The following WNK2 variants were observed in gnomAD, a reference collection of about 807,000 sequenced individuals.
WNK2 encodes WNK lysine deficient protein kinase 2.
Under a neutral mutation model 192.1 loss-of-function variants are expected in WNK2, and 67 were observed. The ratio of observed to expected loss-of-function variants is 0.35; its 90% CI spans 0.29 to 0.43. The LOEUF is 0.43. Ranked by LOEUF, WNK2 falls within the 20% of genes least tolerant of loss-of-function variation. WNK2 has a pLI of 1.00. For missense variants in WNK2, 2,698 were observed against 3,089.7 expected, an observed-to-expected ratio of 0.87 and a Z score of 3.01; for synonymous variants, 1,439 against 1,393.9, an observed-to-expected ratio of 1.03 and a Z score of -0.72.
chr9:93,292,793 C>A lies in WNK2; in HGVS notation c.5328C>A (p.Asp1776Glu). 6.5e-7 allele frequency: 1 copy of A among 1,549,392 alleles called. No homozygotes were observed. The highest frequency in any genetic ancestry group is 1.4e-5 in the African/African-American group (1 of 72,886). ...RYSAPPDVYLDEAPSSPDVKL... is the reference protein window; with the variant it reads ...RYSAPPDVYLEEAPSSPDVKL... ...CTGCCCCACCCGACGTCTACCTGGACGAGGCCCCCTCCAGCCCCGACGTGA... is the reference window on the plus strand; with the variant it reads ...CTGCCCCACCCGACGTCTACCTGGAAGAGGCCCCCTCCAGCCCCGACGTGA... Residue 1776 changes from aspartate (D) to glutamate (E), a missense_variant, in exon 23 of 30, where the codon GAC becomes GAA. Physicochemically the swap from Asp to Glu is conservative, Grantham distance 45 (BLOSUM62 2). Coordinates refer to ENST00000427277, the MANE Select transcript of WNK2 (RefSeq NM_006648.4).
At chr9:93,216,498 T>A (rs2131666685) in intron 2 of WNK2, among the ~76,000 whole-genome samples, 1 of 151,936 alleles carries the variant, frequency 6.6e-6, no homozygotes, top group East Asian at 1.9e-4. Context: ...ATACTAAAAT[T>A]AGCTGGGTGT....
rs376610799 is a variant in WNK2 at position 93,253,108 on chromosome 9, C to G, written c.2034+26C>G. ...GTGAGTCAGAGCATCACTCCCACCC[C>G]CTTCCCCATCCCCATTACCTGGTCT... On this transcript the variant is annotated intron_variant, in intron 9 of 29. Coordinates refer to ENST00000427277, the MANE Select transcript of WNK2 (RefSeq NM_006648.4). The G allele has an allele frequency of 1.4e-4, 193 of 1,375,904 alleles. No homozygotes were observed. In the African/African-American group the frequency reaches 2.5e-3, roughly 18 times the overall value. 85.2% of individuals were successfully genotyped at this position (1,375,904 alleles called of 1,614,324 possible).
rs1588602855 is a variant in WNK2 at position 93,306,597 on chromosome 9, T to C, written c.6215-180T>C. 9.7e-6 allele frequency: 7 copies of C among 723,800 alleles called. No individual in the cohort carries two copies. The East Asian group carries it at 1.3e-4, about 13-fold the overall frequency. 44.8% of individuals were successfully genotyped at this position (723,800 alleles called of 1,614,324 possible). On this transcript the variant is annotated intron_variant, in intron 26 of 29. Transcript: ENST00000427277. ...CCCCTCGGCGAAGCTCGTGGGAGCC[T>C]GCACCCTCTCTCCAGGGGCTGCCCC...
chr9:93,269,836 A>T (rs1404055638), intron 19 of WNK2, among the ~76,000 whole-genome samples: 1 of 152,122 alleles, frequency 6.6e-6, no homozygotes. Flanking sequence ...TCTTTTTTCT[A>T]TTTAAAAAAA....
Position 93,259,012 on chromosome 9 carries a change from A to T in WNK2, c.2464A>T (p.Thr822Ser). 2.5e-6 allele frequency: 4 copies of T among 1,612,464 alleles called. No individual in the cohort carries two copies. The highest frequency in any genetic ancestry group is 3.4e-6 in the Non-Finnish European group (4 of 1,179,616). Residue 822 changes from threonine to serine, a missense_variant, in exon 12 of 30, where the codon ACC becomes TCC. Thr to Ser is a moderately conservative substitution (Grantham distance 58, BLOSUM62 1). This residue lies in a region of WNK2 where 893 missense variants were observed against 909.0 expected (regional missense o/e 0.98). Coordinates refer to ENST00000427277, the MANE Select transcript of WNK2 (RefSeq NM_006648.4). The surrounding 1 kb of genome is among the most constrained non-coding windows in gnomAD (Gnocchi z 4.8). ...CCCTCCGGCCCTCCCAGACCTGCCG[A>T]CCGCGACTGTGCCTCCCGTGCCACC... The part of the protein sequence containing the change: ...GLPPALPDLP[T>S]ATVPPVPPPQ...
intron 12 of WNK2, among the ~76,000 whole-genome samples, chr9:93,261,560 C>T (rs1325135674): frequency 2.0e-5 from 3 of 152,218 alleles, no homozygotes; most frequent in East Asian, 1.9e-4. Flanking sequence ...GGTTCATAGA[C>T]GGAGCCCCGT....
chr9:93,318,532 C>G (rs1855127130), intron 29 of WNK2: 1 of 1,613,972 alleles, frequency 6.2e-7, no homozygotes, highest in African/African-American at 1.3e-5. Context: ...CAGACATGCC[C>G]CCCATGCCAG....
intron 28 of WNK2, among the ~76,000 whole-genome samples, chr9:93,314,453 A>C (rs1854249622): frequency 6.6e-6 from 1 of 152,184 alleles, no homozygotes; most frequent in Admixed American, 6.5e-5. Context: ...TCTGAAAAAA[A>C]AAAAACAGCT....
chr9:93,265,242 A>G lies in WNK2; in HGVS notation c.3696+1209A>G, dbSNP rs543422746. On this transcript the variant is annotated intron_variant, in intron 16 of 29. Coordinates refer to ENST00000427277, the MANE Select transcript of WNK2 (RefSeq NM_006648.4). ...GCAGCAGAGACCACAGGGGATTGGT[A>G]GCAGAGGAGCAGTGTGGTGATGGGT... Among the ~76,000 whole-genome samples the G allele has an allele frequency of 3.9e-5, 6 of 152,366 alleles. No homozygotes were observed. The East Asian group carries it at 1.2e-3, about 29-fold the overall frequency.
At chr9:93,203,504 G>A (rs1233656327) in intron 2 of WNK2, among the ~76,000 whole-genome samples, 1 of 152,238 alleles carries the variant, frequency 6.6e-6, no homozygotes, top group African/African-American at 2.4e-5. Context: ...GCCTGTGGGA[G>A]TGGCTGCGGG....
Position 93,229,991 on chromosome 9 carries a change from C to A in WNK2, c.854+123C>A. 1 of 1,209,512 alleles carries A rather than the reference C, an allele frequency of 8.3e-7. No homozygotes were observed. Among genetic ancestry groups the A allele is most frequent in the Non-Finnish European group, 1.1e-6 (1 of 880,168 alleles). 74.9% of individuals were successfully genotyped at this position (1,209,512 alleles called of 1,614,324 possible). ...TGGTGCCTGTGGGAGGCTGTCTCCT[C>A]TTTCCTCTCCTGCATGGGATGCCAG... is the stretch of plus-strand genomic sequence containing the variant. On this transcript the variant is annotated intron_variant, in intron 3 of 29. Transcript: ENST00000427277. This position sits in a 1 kb window ranked among gnomAD's most constrained non-coding sequence, Gnocchi z 4.9.
chr9:93,218,832 A>G (rs1224038339), intron 2 of WNK2, among the ~76,000 whole-genome samples: 2 of 151,980 alleles, frequency 1.3e-5, no homozygotes, highest in Non-Finnish European at 2.9e-5. Context: ...AGTTGGCTGC[A>G]CCCCTCTGCC....
chr9:93,222,314 G>A (rs1026461939), intron 2 of WNK2, among the ~76,000 whole-genome samples: 3 of 152,252 alleles, frequency 2.0e-5, no homozygotes, highest in South Asian at 2.1e-4. Flanking sequence ...GACACCAGGC[G>A]TGTGCCACCA....
At chr9:93,221,831 G>A (rs190011090) in intron 2 of WNK2, among the ~76,000 whole-genome samples, 5 of 152,262 alleles carry the variant, frequency 3.3e-5, no homozygotes, top group South Asian at 2.1e-4. Context: ...TGGAGGTTGC[G>A]TCCTGGTTGG....
chr9:93,200,836 A>G (rs994223762), intron 2 of WNK2, among the ~76,000 whole-genome samples: 1 of 152,204 alleles, frequency 6.6e-6, no homozygotes, highest in African/African-American at 2.4e-5. Context: ...GGCTAGGCGC[A>G]TTTATGAGAA....
At position 93,247,830 on chromosome 9, in the gene WNK2, G is replaced by A. The variant is rs1398865236; in HGVS notation, c.1830G>A (p.Leu610=). 7 of 1,537,466 alleles carry A rather than the reference G, an allele frequency of 4.6e-6. No individual in the cohort carries two copies. The highest frequency in any genetic ancestry group is 3.9e-5 in the Admixed American group (2 of 51,084). ...PPTLPTSATS[L]ASDSTFDSGQ... ...CGTTGCCGACCAGCGCCACCTCCCT[G>A]GCCTGTGAGTGCTCAGGGGTGGGAT... The change falls in exon 8 of 30, where the codon CTG becomes CTA. Residue 610 remains leucine, a synonymous_variant. Coordinates refer to ENST00000427277, the MANE Select transcript of WNK2 (RefSeq NM_006648.4). This position sits in a 1 kb window ranked among gnomAD's most constrained non-coding sequence, Gnocchi z 5.2.
chr9:93,262,727 G>T lies in WNK2; in HGVS notation c.3410+8G>T. The T allele has an allele frequency of 6.2e-7, 1 of 1,611,912 alleles. No homozygotes were observed. On this transcript the variant is annotated splice_region_variant and intron_variant, in intron 14 of 29. Transcript: ENST00000427277. ...CCCGCAGAGCTGTGAGAGGTAGTGT[G>T]GCCCAGCCTCGACCTCGCAGGACGG...
chr9:93,262,974 A>G (rs1403249354), intron 14 of WNK2, among the ~76,000 whole-genome samples: 1 of 152,192 alleles, frequency 6.6e-6, no homozygotes, highest in African/African-American at 2.4e-5. Flanking sequence ...AGTGCTGAGA[A>G]TGTTCCAGAA....
At chr9:93,227,931 G>A (rs1436205219) in intron 2 of WNK2, among the ~76,000 whole-genome samples, 2 of 152,220 alleles carry the variant, frequency 1.3e-5, no homozygotes, top group Admixed American at 6.5e-5. Context: ...GGTTAGGAAG[G>A]GCAGTCCCCA....
Sources: gnomAD v4.1 joint callset for allele counts (sites outside exome capture counted in the v4.1 genomes callset) on GRCh38, gnomAD v4.1.1 for gene constraint, gnomAD v4.1.1 regional missense constraint, Gnocchi (gnomAD v3.1) non-coding constraint, MANE v1.5 for transcripts, NCBI Gene and HGNC (gene_info 2026-07-23, HGNC 2026-07-21) for gene names.